Variants in RDX observed in about 807,000 individuals in gnomAD.
RDX encodes the protein radixin.
Under a neutral mutation model 83.7 loss-of-function variants are expected in RDX, and 32 were observed. The ratio of observed to expected loss-of-function variants is 0.38; its 90% CI spans 0.29 to 0.51. The LOEUF (loss-of-function observed/expected upper bound fraction) is 0.51. RDX is among the 20% of genes least tolerant of loss of function. RDX has a pLI of 0.87. For synonymous variants in RDX, 229 were observed against 222.7 expected (o/e 1.03, Z -0.25); for missense variants, 600 against 689.9 (o/e 0.87, Z 1.46).
At chr11:110,210,110 T>C in intron 14 of RDX, among the ~76,000 whole-genome samples, 1 of 97,816 alleles carries the variant, frequency 1.0e-5, no homozygotes, top group East Asian at 3.9e-4. Flanking sequence ...GAAGAATGTA[T>C]AACTAGAATA....
At chr11:110,215,344 C>T (rs967838006) in intron 14 of RDX, among the ~76,000 whole-genome samples, 1 of 149,288 alleles carries the variant, frequency 6.7e-6, no homozygotes, top group Non-Finnish European at 1.5e-5. Context: ...GCCTGGGCAA[C>T]AGAGCGAGAC....
chr11:110,282,983 A>G (rs1366178217), intron 1 of RDX, among the ~76,000 whole-genome samples: 2 of 152,194 alleles, frequency 1.3e-5, no homozygotes, highest in Non-Finnish European at 2.9e-5. Flanking sequence ...TCTAAAATGT[A>G]AAAAATAAAA....
intron 10 of RDX, chr11:110,237,856 C>T (rs1444538824): frequency 1.7e-5 from 11 of 642,754 alleles, no homozygotes; most frequent in Non-Finnish European, 3.1e-5. Context: ...ACTGCAGCCT[C>T]GAACTCATGG....
intron 14 of RDX, among the ~76,000 whole-genome samples, chr11:110,222,232 G>A (rs534031217): frequency 7.9e-5 from 12 of 152,142 alleles, no homozygotes; most frequent in Non-Finnish European, 1.5e-4. Flanking sequence ...ATACTTACTC[G>A]CACAGTCTTC....
chr11:110,218,571 T>G (rs1864138610), intron 14 of RDX, among the ~76,000 whole-genome samples: 1 of 152,192 alleles, frequency 6.6e-6, no homozygotes, highest in Non-Finnish European at 1.5e-5. Context: ...CAAAAAGAAA[T>G]GTCACAGGCA....
intron 14 of RDX, among the ~76,000 whole-genome samples, chr11:110,217,913 TTTAAA>T (rs1365547007): frequency 6.6e-6 from 1 of 152,232 alleles, no homozygotes; most frequent in Non-Finnish European, 1.5e-5. Flanking sequence ...CTCTAGATGT[TTTAAA>T]TTATTTATGA....
chr11:110,243,443 C>A (rs1376050051), intron 10 of RDX, among the ~76,000 whole-genome samples: 5 of 152,166 alleles, frequency 3.3e-5, no homozygotes, highest in Non-Finnish European at 7.3e-5. Flanking sequence ...CATGTCTGGG[C>A]ACAGTGGCTC....
chr11:110,271,019 T>C (rs1860285938), intron 3 of RDX, among the ~76,000 whole-genome samples: 1 of 152,160 alleles, frequency 6.6e-6, no homozygotes, highest in Admixed American at 6.5e-5. Context: ...CAAAAGTGGT[T>C]TGGAAAAAAG....
intron 15 of RDX, among the ~76,000 whole-genome samples, chr11:110,178,825 A>G (rs1471207498): frequency 6.6e-6 from 1 of 152,138 alleles, no homozygotes; most frequent in African/African-American, 2.4e-5. Context: ...TAAAGAGGGA[A>G]CACTGGGGCT....
rs553221854 is a variant in RDX at position 110,276,178 on chromosome 11, T to G, written c.12+3503A>C. On this transcript the variant is annotated intron_variant, in intron 2 of 13. Coordinates refer to ENST00000645495, the MANE Select transcript of RDX (RefSeq NM_002906.4). Reference sequence around the variant, plus strand: ...TTTTGATTTTCACAATTTTCAATGATTTTTGCTTATGATGTTAGAGGTCCA... The same window carrying G: ...TTTTGATTTTCACAATTTTCAATGAGTTTTGCTTATGATGTTAGAGGTCCA... 2.0e-4 allele frequency among the ~76,000 whole-genome samples: 31 copies of G among 152,306 alleles called. 1 individual carries two copies. The South Asian group carries it at 5.0e-3, about 24-fold the overall frequency.
chr11:110,279,475 G>A lies in RDX; in HGVS notation c.12+206C>T, dbSNP rs148099207. ...CAGAAAGGAGAGGTTGCAGTGAGCC[G>A]ACATGGTCCCACTGCGCTCCAGCCT... On this transcript the variant is annotated intron_variant, in intron 2 of 13. Transcript: ENST00000645495. Among the ~76,000 whole-genome samples the A allele has an allele frequency of 2.7e-3, 408 of 152,268 alleles. 1 individual carries two copies. The highest frequency in any genetic ancestry group is 8.4e-3 in the African/African-American group (347 of 41,556).
chr11:110,222,762 C>T (rs1351885377), intron 14 of RDX, among the ~76,000 whole-genome samples: 1 of 151,958 alleles, frequency 6.6e-6, no homozygotes, highest in African/African-American at 2.4e-5. Context: ...CTCCACTGCA[C>T]TCCATCCAGC....
chr11:110,214,569 T>C (rs1294566844), intron 14 of RDX, among the ~76,000 whole-genome samples: 2 of 90,692 alleles, frequency 2.2e-5, no homozygotes, highest in Non-Finnish European at 4.4e-5. Flanking sequence ...TTATTCACAA[T>C]AGCAAAGACT....
chr11:110,176,509 G>A (rs138706981), intron 15 of RDX, among the ~76,000 whole-genome samples: 1 of 152,162 alleles, frequency 6.6e-6, no homozygotes, highest in African/African-American at 2.4e-5. Context: ...CAGCCACGGG[G>A]TGCCTGGGGA....
chr11:110,289,815 C>T (rs977467147), intron 1 of RDX, among the ~76,000 whole-genome samples: 2 of 150,690 alleles, frequency 1.3e-5, no homozygotes, highest in African/African-American at 5.0e-5. Context: ...GACGTGGTGA[C>T]CTGTTTGGTG....
chr11:110,252,814 T>C (rs1276080758), intron 9 of RDX, among the ~76,000 whole-genome samples: 3 of 152,170 alleles, frequency 2.0e-5, no homozygotes, highest in Non-Finnish European at 4.4e-5. Flanking sequence ...GAAAGGGTTT[T>C]ACTACACTGC....
At chr11:110,259,008 A>C (rs1859680184) in intron 5 of RDX, among the ~76,000 whole-genome samples, 1 of 150,972 alleles carries the variant, frequency 6.6e-6, no homozygotes, top group African/African-American at 2.4e-5. Context: ...AGTAGCTGGG[A>C]TTATAGGTGT....
chr11:110,188,621 T>C (rs1863035714), intron 15 of RDX, among the ~76,000 whole-genome samples: 2 of 152,120 alleles, frequency 1.3e-5, no homozygotes, highest in South Asian at 2.1e-4. Flanking sequence ...AACTTATTCG[T>C]GTAACCAAAC....
intron 11 of RDX, among the ~76,000 whole-genome samples, chr11:110,237,161 TATAAC>T (rs1170561957): frequency 4.0e-5 from 6 of 148,900 alleles, no homozygotes; most frequent in Non-Finnish European, 3.0e-5. Flanking sequence ...ATTATATAAC[TATAAC>T]ATATTAATTT....
Sources: gnomAD v4.1 joint callset for allele counts (sites outside exome capture counted in the v4.1 genomes callset) on GRCh38, gnomAD v4.1.1 for gene constraint, MANE v1.5 for transcripts, NCBI Gene and HGNC (gene_info 2026-07-23, HGNC 2026-07-21) for gene names.